Variants in PDIA5 observed in about 807,000 individuals in gnomAD.
PDIA5 encodes protein disulfide-isomerase A5.
In PDIA5, 58 loss-of-function variants were observed where a neutral mutation model predicts 77.6. That is an observed-to-expected ratio of 0.75 (90% CI 0.61 to 0.93). The LOEUF (loss-of-function observed/expected upper bound fraction) is 0.93, where lower values mean the gene tolerates loss of function less well. PDIA5 is among the 40% of genes least tolerant of loss of function. The pLI, the probability that PDIA5 is intolerant of heterozygous loss-of-function variation, is 0.00. For synonymous variants in PDIA5, 250 were observed against 252.1 expected, an observed-to-expected ratio of 0.99 and a Z score of 0.08; for missense variants, 630 against 647.7, an observed-to-expected ratio of 0.97 and a Z score of 0.30.
At chr3:123,132,706 A>G (rs1053520615) in intron 11 of PDIA5, among the ~76,000 whole-genome samples, 1 of 152,214 alleles carries the variant, frequency 6.6e-6, no homozygotes, top group Non-Finnish European at 1.5e-5. Flanking sequence ...CTGCTGCTGG[A>G]AGCGAGTCTT....
intron 11 of PDIA5, 117 bp from the exon 12 acceptor site, chr3:123,145,405 T>C: frequency 1.4e-6 from 1 of 710,180 alleles, no homozygotes; most frequent in Middle Eastern, 3.3e-4. Flanking sequence ...CTGGTGCTGC[T>C]GCTGCTTTTC....
At chr3:123,093,795 T>G (rs1293925246) in intron 3 of PDIA5, among the ~76,000 whole-genome samples, 1 of 152,114 alleles carries the variant, frequency 6.6e-6, no homozygotes, top group Non-Finnish European at 1.5e-5. Context: ...CTGGAAAGGT[T>G]GAGAAAAGCT....
chr3:123,099,266 TTTCAGCCA>T (rs1171174988), intron 3 of PDIA5, among the ~76,000 whole-genome samples: 5 of 152,222 alleles, frequency 3.3e-5, no homozygotes, highest in African/African-American at 1.2e-4. Flanking sequence ...GTATCATTCA[TTTCAGCCA>T]TTCAGCCATT....
chr3:123,116,171 G>T, intron 7 of PDIA5, 60 bp from the exon 8 acceptor site: 1 of 1,391,978 alleles, frequency 7.2e-7, no homozygotes, highest in South Asian at 1.2e-5. Context: ...AGGCAGGGCA[G>T]GGTGCAAGGG....
At chr3:123,146,077 G>A (rs1935764587) in intron 12 of PDIA5, 22 bp from the exon 13 acceptor site, 1 of 1,612,672 alleles carries the variant, frequency 6.2e-7, no homozygotes, top group African/African-American at 1.3e-5. Flanking sequence ...GTAATGCATG[G>A]TTGGCCTTTC....
At chr3:123,074,009 C>T (rs1047996651) in intron 1 of PDIA5, among the ~76,000 whole-genome samples, 3 of 152,270 alleles carry the variant, frequency 2.0e-5, no homozygotes, top group African/African-American at 4.8e-5. Flanking sequence ...TCTTGAGGAA[C>T]GAGTGGGTTT....
chr3:123,120,567 C>T (rs1192004298), intron 8 of PDIA5, among the ~76,000 whole-genome samples: 1 of 152,226 alleles, frequency 6.6e-6, no homozygotes, highest in Non-Finnish European at 1.5e-5. Context: ...TTATTACAGT[C>T]TACCTTCCAG....
chr3:123,096,042 C>G (rs1934427860), intron 3 of PDIA5, among the ~76,000 whole-genome samples: 1 of 152,046 alleles, frequency 6.6e-6, no homozygotes, highest in South Asian at 2.1e-4. Flanking sequence ...TCAGGGGGGT[C>G]TTTTTGTGCC....
At chr3:123,158,416 G>T (rs1334508130) in intron 15 of PDIA5, among the ~76,000 whole-genome samples, 1 of 152,160 alleles carries the variant, frequency 6.6e-6, no homozygotes, top group Non-Finnish European at 1.5e-5. Flanking sequence ...GGGCTCATGT[G>T]CAGGGAATTT....
chr3:123,102,478 G>T lies in PDIA5; in HGVS notation c.325G>T (p.Glu109Ter). ...VDLSPKDKKV[E>*]LFHYQDGAFH... ...CCTGAGCCCGAAGGACAAAAAGGTT[G>T]AATTATTCCATTACCAGTAAGTACA... The change falls in exon 4 of 17, where the codon GAA (glutamate) becomes TAA (stop). Residue 109 changes from glutamate to a stop codon, truncating the protein, a stop_gained. Transcript: ENST00000316218. LOFTEE classifies it high-confidence loss of function. 3 of 1,613,448 alleles carry T rather than the reference G, an allele frequency of 1.9e-6. No homozygotes were observed. Among genetic ancestry groups the T allele is most frequent in the Non-Finnish European group, 2.5e-6 (3 of 1,179,330 alleles).
At position 123,152,099 on chromosome 3, in the gene PDIA5, G is replaced by GCCTT. The variant is rs55766491; in HGVS notation, c.1273+1759_1273+1762dup. Among the ~76,000 whole-genome samples, 22 of 79,572 alleles carry GCCTT rather than the reference G, an allele frequency of 2.8e-4. 2 individuals are homozygous for GCCTT. Among genetic ancestry groups the GCCTT allele is most frequent in the East Asian group, 6.9e-4 (2 of 2,888 alleles). 52.2% of individuals were successfully genotyped at this position (79,572 alleles called of 152,430 possible). On this transcript the variant is annotated intron_variant, in intron 14 of 16. Coordinates refer to ENST00000316218, the MANE Select transcript of PDIA5 (RefSeq NM_006810.4). ...TTCCTGCCTTCCTTCCTGCCTTCCT[G>GCCTT]CCTTCCTTCCTTCCTTCCTTCCTTC...
At chr3:123,131,012 C>A (rs962225733) in intron 11 of PDIA5, among the ~76,000 whole-genome samples, 8 of 152,134 alleles carry the variant, frequency 5.3e-5, no homozygotes, top group African/African-American at 1.9e-4. Flanking sequence ...GGGCTCATAC[C>A]TATAATCCCA....
intron 6 of PDIA5, among the ~76,000 whole-genome samples, chr3:123,109,956 A>T (rs1934823819): frequency 6.6e-6 from 1 of 152,222 alleles, no homozygotes; most frequent in South Asian, 2.1e-4. Context: ...TTATTTACCT[A>T]ATGCCTTCTT....
chr3:123,114,181 T>C (rs916893195), intron 7 of PDIA5, among the ~76,000 whole-genome samples: 2 of 152,214 alleles, frequency 1.3e-5, no homozygotes, highest in Non-Finnish European at 2.9e-5. Flanking sequence ...GAGGCCACAC[T>C]GTGGAGACAG....
intron 14 of PDIA5, among the ~76,000 whole-genome samples, chr3:123,151,782 G>GCCT (rs1190186464): frequency 3.1e-3 from 153 of 50,028 alleles, no homozygotes; most frequent in Middle Eastern, 0.016. Context: ...CTGCCTGCCT[G>GCCT]GCCTGCCTTC....
chr3:123,125,223 G>A (rs702027), intron 10 of PDIA5, among the ~76,000 whole-genome samples: 24,707 of 152,236 alleles, frequency 0.16, 2,157 homozygotes, highest in Middle Eastern at 0.23. Context: ...TGCTTCATGA[G>A]TATTTGTGCA....
intron 8 of PDIA5, among the ~76,000 whole-genome samples, chr3:123,120,601 T>G (rs1935091484): frequency 6.6e-6 from 1 of 152,212 alleles, no homozygotes; most frequent in East Asian, 1.9e-4. Flanking sequence ...GTCCATAGCT[T>G]CAACAAAACG....
At chr3:123,100,571 A>C (rs1407170732) in intron 3 of PDIA5, among the ~76,000 whole-genome samples, 1 of 152,208 alleles carries the variant, frequency 6.6e-6, no homozygotes, top group African/African-American at 2.4e-5. Context: ...TGGAAGCTGC[A>C]GTGGCTGCAG....
intron 7 of PDIA5, 80 bp downstream of exon 7, chr3:123,111,084 G>T: frequency 1.0e-6 from 1 of 954,904 alleles, no homozygotes. Flanking sequence ...GTTGCGGGCG[G>T]GGTCTGGGGG....
Sources: gnomAD v4.1 joint callset for allele counts (sites outside exome capture counted in the v4.1 genomes callset) on GRCh38, gnomAD v4.1.1 for gene constraint, MANE v1.5 for transcripts, NCBI Gene and HGNC (gene_info 2026-07-23, HGNC 2026-07-21) for gene names.